Variants in CFAP68 observed in about 807,000 individuals in gnomAD.
The protein encoded by CFAP68 is cilia- and flagella-associated protein 68.
the CFAP68 span, chr11:111,881,687 C>A: frequency 2.1e-6 from 3 of 1,432,510 alleles, no homozygotes; most frequent in Non-Finnish European, 2.8e-6. Flanking sequence ...TTTATCTTAC[C>A]AAAAAAAATG....
chr11:111,880,626 C>T, the CFAP68 span: 1 of 333,830 alleles, frequency 3.0e-6, no homozygotes, highest in South Asian at 2.3e-5. Context: ...AATTAATCCA[C>T]CCCTTGTTTA....
chr11:111,883,958 T>G, the CFAP68 span: 2 of 1,074,228 alleles, frequency 1.9e-6, no homozygotes, highest in Non-Finnish European at 1.4e-6. Context: ...AATGATAAGA[T>G]ACTTCACTTT....
chr11:111,879,992 T>C, the CFAP68 span, among the ~76,000 whole-genome samples: 3 of 152,016 alleles, frequency 2.0e-5, no homozygotes, highest in East Asian at 1.9e-4. Flanking sequence ...TGAAACACAA[T>C]TGGAGGGAGA....
At chr11:111,881,507 G>A in the CFAP68 span, 40 of 1,535,876 alleles carry the variant, frequency 2.6e-5, no homozygotes, top group African/African-American at 4.1e-5. Context: ...CAGGTTTGTT[G>A]ACATCTTTAA....
chr11:111,883,924 A>G, the CFAP68 span: 1 of 1,313,044 alleles, frequency 7.6e-7, no homozygotes, highest in Non-Finnish European at 1.1e-6. Context: ...AATATTGACT[A>G]GTTTCACATC....
the CFAP68 span, chr11:111,879,692 A>G: frequency 7.0e-7 from 1 of 1,424,868 alleles, no homozygotes; most frequent in Non-Finnish European, 9.9e-7. Flanking sequence ...TGGTTACGAT[A>G]TGTGGATGAA....
At chr11:111,882,432 A>G in the CFAP68 span, 12 of 1,614,188 alleles carry the variant, frequency 7.4e-6, no homozygotes, top group Middle Eastern at 1.6e-4. Context: ...GCAGATGGCC[A>G]TGGTGAAGTG....
chr11:111,884,047 GAATA>G, the CFAP68 span: 1 of 511,098 alleles, frequency 2.0e-6, no homozygotes, highest in Non-Finnish European at 3.4e-6. Context: ...TTCACTCTCT[GAATA>G]AATAAAGCAA....
chr11:111,879,651 G>GT, the CFAP68 span: 1 of 1,587,220 alleles, frequency 6.3e-7, no homozygotes. Flanking sequence ...AGAGTATTGA[G>GT]TGTCTATTGC....
the CFAP68 span, among the ~76,000 whole-genome samples, chr11:111,880,421 A>T: frequency 6.6e-6 from 1 of 152,230 alleles, no homozygotes; most frequent in African/African-American, 2.4e-5. Context: ...TCAGCACAAG[A>T]TACAGGTCAT....
At chr11:111,883,698 A>G in the CFAP68 span, 1 of 1,009,568 alleles carries the variant, frequency 9.9e-7, no homozygotes, top group South Asian at 1.3e-5. Context: ...AATAAGAGCA[A>G]GATCAGTTAC....
chr11:111,881,661 A>G, the CFAP68 span: 1 of 1,488,888 alleles, frequency 6.7e-7, no homozygotes, highest in Non-Finnish European at 8.9e-7. Flanking sequence ...TTTTGGGGAA[A>G]AAGAAAGATT....
the CFAP68 span, among the ~76,000 whole-genome samples, chr11:111,883,447 G>T: frequency 2.0e-5 from 3 of 152,092 alleles, no homozygotes; most frequent in African/African-American, 4.8e-5. Flanking sequence ...ACAAAAATTA[G>T]CTGGGCTTGG....
the CFAP68 span, chr11:111,879,606 G>A: frequency 6.2e-7 from 1 of 1,613,388 alleles, no homozygotes; most frequent in African/African-American, 1.3e-5. Flanking sequence ...TCTCTTCCAG[G>A]TGCTTAAATC....
the CFAP68 span, among the ~76,000 whole-genome samples, chr11:111,882,057 C>T: frequency 1.3e-5 from 2 of 152,124 alleles, no homozygotes; most frequent in Admixed American, 1.3e-4. Flanking sequence ...GCCTACATCT[C>T]AAAATTACCT....
chr11:111,883,047 G>A, the CFAP68 span: 1 of 955,292 alleles, frequency 1.0e-6, no homozygotes, highest in Non-Finnish European at 1.6e-6. Context: ...AAATATGACA[G>A]TCCGTGAGAA....
At chr11:111,883,777 A>C in the CFAP68 span, 1 of 1,610,220 alleles carries the variant, frequency 6.2e-7, no homozygotes, top group Admixed American at 1.7e-5. Context: ...TCAGGATTTA[A>C]GCGAGAGCCT....
chr11:111,883,135 G>T, the CFAP68 span: 1 of 1,573,366 alleles, frequency 6.4e-7, no homozygotes, highest in South Asian at 1.2e-5. Context: ...TTTCTTTCCA[G>T]TTTGGACACT....
the CFAP68 span, among the ~76,000 whole-genome samples, chr11:111,880,322 C>T: frequency 3.3e-5 from 5 of 152,154 alleles, no homozygotes; most frequent in Non-Finnish European, 7.3e-5. Context: ...AGAGCAACTC[C>T]GTCTTGAATA....
Sources: allele counts gnomAD v4.1 joint callset (sites outside exome capture counted in the v4.1 genomes callset), GRCh38; gene constraint gnomAD v4.1.1; transcripts MANE v1.5; gene names NCBI Gene and HGNC (gene_info 2026-07-23, HGNC 2026-07-21).